ARFGEF2: variants seen among roughly 807,000 people sequenced by gnomAD.
ARFGEF2 encodes the protein brefeldin A-inhibited guanine nucleotide-exchange protein 2.
ARFGEF2 carries 74 observed loss-of-function variants against 219.9 expected under a neutral mutation model. The observed-to-expected ratio is 0.34, with a 90% confidence interval of 0.28 to 0.41. ARFGEF2 has a LOEUF of 0.41. Ranked by LOEUF, ARFGEF2 falls within the 10% of genes least tolerant of loss-of-function variation. The probability of loss-of-function intolerance (pLI) is 1.00; values close to 1 mark genes in which losing one functional copy is unlikely to be tolerated. For missense variants in ARFGEF2, 1,743 were observed against 2,218.3 expected (o/e 0.79, Z 4.30); for synonymous variants, 733 against 799.2 (o/e 0.92, Z 1.40).
chr20:49,015,267 C>T (rs2091522863), intron 30 of ARFGEF2, among the ~76,000 whole-genome samples: 1 of 152,056 alleles, frequency 6.6e-6, no homozygotes, highest in South Asian at 2.1e-4. Context: ...GCTAATGCCA[C>T]CATGTCCAGG....
At chr20:48,966,179 G>A (rs2091185781) in intron 8 of ARFGEF2, among the ~76,000 whole-genome samples, 156 bp downstream of exon 8, 1 of 152,142 alleles carries the variant, frequency 6.6e-6, no homozygotes. Context: ...GTATTAGCAG[G>A]TTCAGTTCTT....
chr20:48,991,135 C>T lies in ARFGEF2; in HGVS notation c.2910C>T (p.Thr970=), dbSNP rs1208184264. The T allele has an allele frequency of 2.5e-6, 4 of 1,614,042 alleles. No homozygotes were observed. Among genetic ancestry groups the T allele is most frequent in the African/African-American group, 2.7e-5 (2 of 74,906 alleles). The change falls in exon 21 of 39, where the codon ACC becomes ACT. Residue 970 remains threonine (T), a synonymous_variant. Coordinates refer to ENST00000371917, the MANE Select transcript of ARFGEF2 (RefSeq NM_006420.3). ...ITEMKQKNID[T]IKTLITVAHT... The stretch of plus-strand genomic sequence containing the variant: ...AAATGAAGCAGAAAAACATCGACAC[C>T]ATTAAGACGCTTATCACAGTGGCTC...
At chr20:48,946,477 T>A (rs992400951) in intron 3 of ARFGEF2, among the ~76,000 whole-genome samples, 5 of 145,226 alleles carry the variant, frequency 3.4e-5, no homozygotes, top group South Asian at 2.1e-4. Flanking sequence ...CATATCAATT[T>A]TATATATATA....
chr20:48,974,303 G>A (rs566375135), intron 12 of ARFGEF2, among the ~76,000 whole-genome samples: 7 of 151,260 alleles, frequency 4.6e-5, no homozygotes, highest in Non-Finnish European at 1.0e-4. Flanking sequence ...TTTGAGATGG[G>A]GTTTCACCAT....
rs780350825 is a variant in ARFGEF2 at position 48,921,857 on chromosome 20, C to T, written c.-33C>T. On this transcript the variant is annotated 5_prime_UTR_variant, in exon 1 of 39. Coordinates refer to ENST00000371917, the MANE Select transcript of ARFGEF2 (RefSeq NM_006420.3). ...CGCCATCTCGCTCACGCCGCCCGCC[C>T]GCGGGGCCGTCAGCCCCCGCCGGGC... 3 of 1,504,872 alleles carry T rather than the reference C, an allele frequency of 2.0e-6. No homozygotes were observed. The highest frequency in any genetic ancestry group is 1.8e-6 in the Non-Finnish European group (2 of 1,123,716). 93.2% of individuals were successfully genotyped at this position (1,504,872 alleles called of 1,614,324 possible).
chr20:48,968,089 G>A (rs769948939), intron 8 of ARFGEF2, among the ~76,000 whole-genome samples: 1 of 152,084 alleles, frequency 6.6e-6, no homozygotes, highest in African/African-American at 2.4e-5. Context: ...TGCCTCCCAG[G>A]TTCATGCCAT....
At chr20:48,985,304 G>A in intron 15 of ARFGEF2, 104 bp from the exon 16 acceptor site, 5 of 1,219,474 alleles carry the variant, frequency 4.1e-6, no homozygotes, top group Non-Finnish European at 6.0e-6. Flanking sequence ...GCCTATTCTG[G>A]GCAGTTAGGG....
intron 3 of ARFGEF2, among the ~76,000 whole-genome samples, chr20:48,950,819 T>A (rs1456108853): frequency 0.042 from 3,274 of 77,242 alleles, 75 homozygotes; most frequent in African/African-American, 0.069. Context: ...AAAATATATA[T>A]ATATATATAT....
In ARFGEF2 at chr20:49,017,496, T is replaced by G. The variant is rs1006551723; in HGVS notation, c.4455T>G (p.Val1485=). 2 of 1,613,590 alleles carry G rather than the reference T, an allele frequency of 1.2e-6. No homozygotes were observed. Among genetic ancestry groups the G allele is most frequent in the African/African-American group, 2.7e-5 (2 of 74,898 alleles). Residue 1485 remains valine (V), a splice_region_variant and synonymous_variant, in exon 33 of 39, where the codon GTT becomes GTG. Transcript: ENST00000371917. ...TTTTTTTCTCTATTTTTTTCTTCAG[T>G]TTGCTGACATGGAGACCTGTAGGAA... is the stretch of plus-strand genomic sequence containing the variant. ...LDIFKTTIPH[V]LLTWRPVGME...
intron 1 of ARFGEF2, among the ~76,000 whole-genome samples, chr20:48,922,924 G>A (rs1329794402): frequency 2.7e-5 from 4 of 150,020 alleles, no homozygotes; most frequent in Admixed American, 1.3e-4. Flanking sequence ...AATTAATTAA[G>A]AAAATAGGTG....
At chr20:48,991,539 G>T (rs1228282430) in intron 21 of ARFGEF2, among the ~76,000 whole-genome samples, 1 of 151,068 alleles carries the variant, frequency 6.6e-6, no homozygotes, top group Admixed American at 6.6e-5. Flanking sequence ...GTAATTTTAA[G>T]ACAAAGCCAG....
chr20:48,952,557 T>C, intron 4 of ARFGEF2, 148 bp from the exon 5 acceptor site: 1 of 769,700 alleles, frequency 1.3e-6, no homozygotes, highest in East Asian at 2.7e-5. Context: ...AATCACCTAG[T>C]TTAATTTGCA....
intron 36 of ARFGEF2, among the ~76,000 whole-genome samples, chr20:49,026,231 T>C (rs1393315577): frequency 6.6e-6 from 1 of 151,686 alleles, no homozygotes; most frequent in African/African-American, 2.4e-5. Context: ...CTCAGGAGGC[T>C]GAGGTGGGAG....
At chr20:48,960,633 G>A (rs1181088518) in intron 6 of ARFGEF2, among the ~76,000 whole-genome samples, 2 of 151,570 alleles carry the variant, frequency 1.3e-5, no homozygotes, top group African/African-American at 4.8e-5. Flanking sequence ...ACAGGTGCCC[G>A]CTACCACACC....
At chr20:48,950,805 AAAAAAAATATATATATATATAT>A (rs2091062812) in intron 3 of ARFGEF2, among the ~76,000 whole-genome samples, 1 of 40,240 alleles carries the variant, frequency 2.5e-5, no homozygotes, top group Non-Finnish European at 4.9e-5. Flanking sequence ...AAAAAAAAAA[AAAAAAAATATATATATATATAT>A]ATATATATAT....
chr20:48,998,575 G>T, intron 25 of ARFGEF2, 70 bp downstream of exon 25: 1 of 1,531,228 alleles, frequency 6.5e-7, no homozygotes, highest in Non-Finnish European at 8.9e-7. Flanking sequence ...TTCAAAAAAA[G>T]AAGTGATAAA....
chr20:48,936,895 G>A (rs2090961883), intron 1 of ARFGEF2, among the ~76,000 whole-genome samples: 1 of 151,996 alleles, frequency 6.6e-6, no homozygotes, highest in African/African-American at 2.4e-5. Flanking sequence ...CCACATAAAT[G>A]TCTTCTTTTG....
At chr20:48,986,338 T>G (rs1041487979) in intron 16 of ARFGEF2, among the ~76,000 whole-genome samples, 12 of 152,080 alleles carry the variant, frequency 7.9e-5, no homozygotes, top group African/African-American at 2.9e-4. Context: ...ACTCAGAAGC[T>G]CATGTTCGGG....
chr20:48,921,753 C>A lies in ARFGEF2; in HGVS notation c.-137C>A. 1.1e-6 allele frequency: 1 copy of A among 919,362 alleles called. No homozygotes were observed. Among genetic ancestry groups the A allele is most frequent in the Non-Finnish European group, 1.4e-6 (1 of 730,096 alleles). The allele number at this position is 919,362 out of a possible 1,614,324, so 57.0% of individuals were successfully genotyped here. On this transcript the variant is annotated 5_prime_UTR_variant, in exon 1 of 39. Coordinates refer to ENST00000371917, the MANE Select transcript of ARFGEF2 (RefSeq NM_006420.3). ...GCTCCAACATGGCGGCGCCGTGGGGCCGAGGTGTCGCTTCCTGACGGGGCG... is the reference window on the plus strand; with the variant it reads ...GCTCCAACATGGCGGCGCCGTGGGGACGAGGTGTCGCTTCCTGACGGGGCG...
Sources: allele counts gnomAD v4.1 joint callset (sites outside exome capture counted in the v4.1 genomes callset), GRCh38; gene constraint gnomAD v4.1.1; transcripts MANE v1.5; gene names NCBI Gene and HGNC (gene_info 2026-07-23, HGNC 2026-07-21).